QTMAN: variants seen among roughly 807,000 people sequenced by gnomAD.
The protein encoded by QTMAN is tRNA-queuosine alpha-mannosyltransferase.
At chr2:144,072,693 G>GCCA in the QTMAN span, among the ~76,000 whole-genome samples, 2 of 152,192 alleles carry the variant, frequency 1.3e-5, no homozygotes, top group Admixed American at 1.3e-4. Flanking sequence ...ACAACAGAGA[G>GCCA]CCAGGCCAAA....
chr2:144,000,722 T>G, the QTMAN span, among the ~76,000 whole-genome samples: 1 of 152,040 alleles, frequency 6.6e-6, no homozygotes, highest in Non-Finnish European at 1.5e-5. Flanking sequence ...AGATGGATTC[T>G]CACAGGCATG....
the QTMAN span, chr2:143,963,676 T>C: frequency 4.6e-5 from 7 of 152,150 alleles, no homozygotes; most frequent in South Asian, 4.1e-4. Flanking sequence ...GGCACCCTAA[T>C]TGGAGTCTTG....
the QTMAN span, among the ~76,000 whole-genome samples, chr2:144,114,140 T>C: frequency 1.3e-5 from 2 of 152,198 alleles, no homozygotes; most frequent in African/African-American, 4.8e-5. Context: ...TCATTAGAAC[T>C]TCCTGCCAAC....
the QTMAN span, among the ~76,000 whole-genome samples, chr2:143,991,734 TG>T: frequency 6.6e-5 from 5 of 75,944 alleles, no homozygotes; most frequent in African/African-American, 1.6e-4. Context: ...GGGAGGGAGG[TG>T]GGGGGGTCAG....
the QTMAN span, among the ~76,000 whole-genome samples, chr2:144,152,209 C>A: frequency 6.6e-6 from 1 of 152,192 alleles, no homozygotes; most frequent in Non-Finnish European, 1.5e-5. Context: ...ATATACAGAA[C>A]ACCTGTCAAG....
At chr2:144,240,005 G>C in the QTMAN span, among the ~76,000 whole-genome samples, 1 of 152,226 alleles carries the variant, frequency 6.6e-6, no homozygotes, top group Non-Finnish European at 1.5e-5. Flanking sequence ...CCGCTAAGCA[G>C]AGTTTAAAAT....
At chr2:143,981,801 C>A in the QTMAN span, among the ~76,000 whole-genome samples, 2 of 152,098 alleles carry the variant, frequency 1.3e-5, no homozygotes, top group Admixed American at 1.3e-4. Flanking sequence ...TCTATAAAGA[C>A]CTGCTCAGAA....
At chr2:144,034,436 C>T in the QTMAN span, among the ~76,000 whole-genome samples, 44 of 152,272 alleles carry the variant, frequency 2.9e-4, no homozygotes, top group East Asian at 2.7e-3. Flanking sequence ...CAACACCTAG[C>T]ACTAATCCTG....
the QTMAN span, among the ~76,000 whole-genome samples, chr2:144,304,178 G>T: frequency 6.6e-6 from 1 of 152,184 alleles, no homozygotes; most frequent in Non-Finnish European, 1.5e-5. Flanking sequence ...GGACTTCGTT[G>T]ACCATGCACA....
the QTMAN span, among the ~76,000 whole-genome samples, chr2:144,185,885 G>A: frequency 6.6e-6 from 1 of 152,162 alleles, no homozygotes; most frequent in East Asian, 1.9e-4. Context: ...TTGTCAAAAA[G>A]GAAAGCTATA....
At chr2:144,053,356 G>A in the QTMAN span, among the ~76,000 whole-genome samples, 1 of 152,118 alleles carries the variant, frequency 6.6e-6, no homozygotes, top group Non-Finnish European at 1.5e-5. Flanking sequence ...AATTTAGCTG[G>A]TTATCTGCAA....
At chr2:144,071,906 AC>A in the QTMAN span, among the ~76,000 whole-genome samples, 1 of 152,206 alleles carries the variant, frequency 6.6e-6, no homozygotes. Flanking sequence ...GGTGAGGAGA[AC>A]AGCAAGAATC....
the QTMAN span, among the ~76,000 whole-genome samples, chr2:144,172,583 C>T: frequency 7.1e-6 from 1 of 141,566 alleles, no homozygotes; most frequent in South Asian, 2.2e-4. Context: ...AAGATTGTGC[C>T]ACTACACTCC....
the QTMAN span, among the ~76,000 whole-genome samples, chr2:144,139,125 A>G: frequency 6.6e-6 from 1 of 152,044 alleles, no homozygotes; most frequent in Non-Finnish European, 1.5e-5. Context: ...TGGCTCAATC[A>G]ATGGATGGTA....
chr2:144,053,623 T>G, the QTMAN span, among the ~76,000 whole-genome samples: 6 of 152,198 alleles, frequency 3.9e-5, no homozygotes, highest in Non-Finnish European at 8.8e-5. Context: ...TCCATGCTTA[T>G]TCTCAGAATA....
At chr2:144,240,550 T>C in the QTMAN span, among the ~76,000 whole-genome samples, 1 of 152,210 alleles carries the variant, frequency 6.6e-6, no homozygotes, top group Non-Finnish European at 1.5e-5. Context: ...TGAAAGTACA[T>C]TAAATTGTAA....
chr2:144,145,821 T>C, the QTMAN span: 1 of 1,150,118 alleles, frequency 8.7e-7, no homozygotes, highest in Non-Finnish European at 1.2e-6. Context: ...TCTTTCCTCT[T>C]CCCACCCCAA....
chr2:144,063,759 C>T, the QTMAN span, among the ~76,000 whole-genome samples: 1 of 152,132 alleles, frequency 6.6e-6, no homozygotes, highest in East Asian at 1.9e-4. Flanking sequence ...CACTCCCTAA[C>T]AACAAAATTC....
chr2:144,159,177 G>A, the QTMAN span, among the ~76,000 whole-genome samples: 1 of 151,992 alleles, frequency 6.6e-6, no homozygotes, highest in African/African-American at 2.4e-5. Flanking sequence ...CTAGGAGTAA[G>A]TAAATTTACT....
Sources: allele counts gnomAD v4.1 joint callset (sites outside exome capture counted in the v4.1 genomes callset), GRCh38; gene constraint gnomAD v4.1.1; transcripts MANE v1.5; gene names NCBI Gene and HGNC (gene_info 2026-07-23, HGNC 2026-07-21).